Variants in MORC1 observed in about 807,000 individuals in gnomAD.
MORC1 encodes the protein MORC family CW-type zinc finger protein 1.
MORC1 carries 59 observed loss-of-function variants against 134.9 expected under a neutral mutation model. The ratio of observed to expected loss-of-function variants is 0.44; its 90% CI spans 0.35 to 0.54. The LOEUF (loss-of-function observed/expected upper bound fraction) is 0.54, where lower values mean the gene tolerates loss of function less well. MORC1 is among the 20% of genes least tolerant of loss of function. The probability of loss-of-function intolerance (pLI) is 0.00; values close to 1 mark genes in which losing one functional copy is unlikely to be tolerated. For missense variants in MORC1, 947 were observed against 1,134.5 expected, an observed-to-expected ratio of 0.83 and a Z score of 2.37; for synonymous variants, 395 against 391.7, an observed-to-expected ratio of 1.01 and a Z score of -0.10.
At chr3:109,084,882 A>T (rs1950587704) in intron 8 of MORC1, among the ~76,000 whole-genome samples, 1 of 152,126 alleles carries the variant, frequency 6.6e-6, no homozygotes. Context: ...AGCCATCAAA[A>T]ATGTGCAAAG....
chr3:108,997,802 A>G (rs1342438200), intron 21 of MORC1, among the ~76,000 whole-genome samples: 1 of 152,182 alleles, frequency 6.6e-6, no homozygotes, highest in East Asian at 1.9e-4. Flanking sequence ...TTAGTACAAG[A>G]ACCAGAGTGA....
intron 8 of MORC1, among the ~76,000 whole-genome samples, chr3:109,077,614 T>C (rs571987919): frequency 5.4e-4 from 82 of 152,006 alleles, no homozygotes; most frequent in African/African-American, 1.9e-3. Context: ...AAAAATAAAC[T>C]TTTCCTTTTG....
intron 11 of MORC1, 47 bp from the exon 12 acceptor site, chr3:109,059,917 A>C: frequency 6.6e-7 from 1 of 1,519,288 alleles, no homozygotes; most frequent in Non-Finnish European, 9.0e-7. Context: ...CACTGAATTA[A>C]CAAAAAGCAA....
At chr3:108,973,875 C>T (rs1272879968) in intron 24 of MORC1, among the ~76,000 whole-genome samples, 1 of 152,082 alleles carries the variant, frequency 6.6e-6, no homozygotes, top group Non-Finnish European at 1.5e-5. Context: ...GGATTACAGT[C>T]GTGAGCCACC....
chr3:109,033,641 T>C lies in MORC1; in HGVS notation c.1460-816A>G, dbSNP rs190767144. Among the ~76,000 whole-genome samples the C allele has an allele frequency of 1.2e-4, 18 of 152,306 alleles. No individual in the cohort carries two copies. The East Asian group carries it at 1.4e-3, about 11-fold the overall frequency. ...ACAGCTCCACCTCTTACCACCTCTA[T>C]GATCTTGGACAAATTATTTAACTGC... On this transcript the variant is annotated intron_variant, in intron 15 of 27. Transcript: ENST00000232603.
At chr3:109,000,290 T>G (rs1948367544) in intron 21 of MORC1, among the ~76,000 whole-genome samples, 1 of 152,290 alleles carries the variant, frequency 6.6e-6, no homozygotes. Context: ...TTTGCCTATT[T>G]ACATATATAT....
chr3:109,099,412 C>T lies in MORC1; in HGVS notation c.369G>A (p.Thr123=), dbSNP rs373682179. The change falls in exon 6 of 28, where the codon ACG becomes ACA. Residue 123 remains threonine (T), a synonymous_variant. Coordinates refer to ENST00000232603, the MANE Select transcript of MORC1 (RefSeq NM_014429.4). ...DFILFTKKEE[T]MTCVFFSQTF... is the part of the protein sequence containing the mutation. ...TCTGAGAAAAAAACACACAGGTCAT[C>T]GTTTCTTCCTTCTTCGTAAAAAGAA... The T allele has an allele frequency of 7.4e-6, 12 of 1,613,252 alleles. No individual in the cohort carries two copies. Among genetic ancestry groups the T allele is most frequent in the African/African-American group, 4.0e-5 (3 of 74,878 alleles).
intron 24 of MORC1, among the ~76,000 whole-genome samples, chr3:108,979,212 G>A (rs925772725): frequency 2.0e-5 from 3 of 152,040 alleles, no homozygotes; most frequent in East Asian, 1.9e-4. Flanking sequence ...GCCATACAAT[G>A]TCATAAGAGC....
At chr3:108,971,646 G>T (rs1316797963) in intron 24 of MORC1, among the ~76,000 whole-genome samples, 1 of 152,192 alleles carries the variant, frequency 6.6e-6, no homozygotes, top group Non-Finnish European at 1.5e-5. Flanking sequence ...AAAGGAACTG[G>T]TCTGTATCTT....
At chr3:108,972,416 C>T (rs1045545922) in intron 24 of MORC1, among the ~76,000 whole-genome samples, 1 of 152,128 alleles carries the variant, frequency 6.6e-6, no homozygotes, top group Non-Finnish European at 1.5e-5. Flanking sequence ...AATTTATATT[C>T]CCCATACTTT....
At chr3:109,054,050 G>A (rs1020106710) in intron 14 of MORC1, among the ~76,000 whole-genome samples, 5 of 152,070 alleles carry the variant, frequency 3.3e-5, no homozygotes, top group Non-Finnish European at 5.9e-5. Context: ...TTGGGAGGCC[G>A]AGGAGGGTGG....
chr3:109,034,960 G>T (rs1013016189), intron 15 of MORC1, among the ~76,000 whole-genome samples: 2 of 151,938 alleles, frequency 1.3e-5, no homozygotes, highest in Admixed American at 1.3e-4. Context: ...TGTTGCATAG[G>T]CTGGTATCAA....
chr3:109,072,009 C>T (rs4413319), intron 8 of MORC1, among the ~76,000 whole-genome samples: 118,760 of 152,070 alleles, frequency 0.78, 47,405 homozygotes, highest in East Asian at 0.93. Context: ...CACATGCCTA[C>T]TTTTAGAAGT....
At chr3:109,059,492 C>T (rs1235999064) in intron 12 of MORC1, among the ~76,000 whole-genome samples, 5 of 152,088 alleles carry the variant, frequency 3.3e-5, no homozygotes, top group East Asian at 1.9e-4. Flanking sequence ...GCTGTTCCTC[C>T]GGGCAGTTCA....
chr3:109,014,258 T>A (rs1286207564), intron 17 of MORC1, among the ~76,000 whole-genome samples: 1 of 152,250 alleles, frequency 6.6e-6, no homozygotes, highest in Non-Finnish European at 1.5e-5. Context: ...AATAGTTACA[T>A]GTTGACATGT....
At chr3:108,976,500 C>A (rs1480053351) in intron 24 of MORC1, among the ~76,000 whole-genome samples, 1 of 152,012 alleles carries the variant, frequency 6.6e-6, no homozygotes, top group Admixed American at 6.6e-5. Context: ...AAAACAACAA[C>A]AAGAAAAACA....
At chr3:109,079,689 C>T (rs1174560322) in intron 8 of MORC1, among the ~76,000 whole-genome samples, 2 of 152,100 alleles carry the variant, frequency 1.3e-5, no homozygotes, top group South Asian at 4.1e-4. Flanking sequence ...CAACAGAAGA[C>T]ACAAAATCAC....
intron 17 of MORC1, chr3:109,019,047 T>C (rs1948894680): frequency 6.6e-6 from 1 of 152,228 alleles, no homozygotes; most frequent in Admixed American, 6.5e-5. Context: ...CGTGGTTTCC[T>C]GTGCCCTAAA....
chr3:109,108,853 T>A (rs1261514091), intron 3 of MORC1, among the ~76,000 whole-genome samples: 4 of 148,124 alleles, frequency 2.7e-5, no homozygotes, highest in African/African-American at 1.0e-4. Flanking sequence ...TGAGCCGAGC[T>A]CGCGCCACTG....
Sources: gnomAD v4.1 joint callset for allele counts (sites outside exome capture counted in the v4.1 genomes callset) on GRCh38, gnomAD v4.1.1 for gene constraint, MANE v1.5 for transcripts, NCBI Gene and HGNC (gene_info 2026-07-23, HGNC 2026-07-21) for gene names.